The following ZNF106 variants were observed in gnomAD, a reference collection of about 807,000 sequenced individuals.
ZNF106 encodes SH3-domain binding protein 3.
ZNF106 carries 67 observed loss-of-function variants against 195.1 expected under a neutral mutation model. The ratio of observed to expected loss-of-function variants is 0.34; its 90% CI spans 0.28 to 0.42. ZNF106 has a LOEUF of 0.42. Among genes scored for constraint, ZNF106 ranks in the 10% least tolerant of loss-of-function variants. The pLI is 1.00. For synonymous variants in ZNF106, 784 were observed against 818.6 expected (o/e 0.96, Z 0.72); for missense variants, 2,118 against 2,304.5 (o/e 0.92, Z 1.66).
rs750503000 is a variant in ZNF106 at position 42,451,464 on chromosome 15, C to T, written c.808G>A (p.Gly270Ser). Reference protein sequence around the residue: ...YSGPGDKFQPGRNRNSNCQME... With the variant: ...YSGPGDKFQPSRNRNSNCQME... ...TGACAGTTAGAATTTCTGTTTCTGC[C>T]TGGTTGAAATTTGTCTCCAGGGCCA... The change falls in exon 5 of 22, where the codon GGC becomes AGC. Residue 270 changes from glycine (G) to serine (S), a missense_variant. Physicochemically the swap from Gly to Ser is moderately conservative, Grantham distance 56. Transcript: ENST00000564754. 5 of 1,614,024 alleles carry T rather than the reference C, an allele frequency of 3.1e-6. No individual in the cohort carries two copies. Among genetic ancestry groups the T allele is most frequent in the Non-Finnish European group, 4.2e-6 (5 of 1,180,038 alleles).
intron 1 of ZNF106, among the ~76,000 whole-genome samples, chr15:42,481,499 A>G (rs2056901041): frequency 6.6e-6 from 1 of 151,604 alleles, no homozygotes; most frequent in South Asian, 2.1e-4. Context: ...CTGGGATTAC[A>G]GGCACCAGCT....
intron 3 of ZNF106, among the ~76,000 whole-genome samples, chr15:42,459,106 T>G (rs551802296): frequency 6.6e-6 from 1 of 152,182 alleles, no homozygotes; most frequent in African/African-American, 2.4e-5. Flanking sequence ...ATATCAATAT[T>G]CTAATTCCAC....
rs1007544424 is a variant in ZNF106, at chr15:42,435,300, G to A, written c.4881+84C>T. The stretch of plus-strand genomic sequence containing the variant: ...AAGGAGATGGTGGGTAGAATGAAGC[G>A]TCTGCCACAGTGTCTCCACTCCACA... On this transcript the variant is annotated intron_variant, in intron 14 of 21. Coordinates refer to ENST00000564754, the MANE Select transcript of ZNF106 (RefSeq NM_001366845.3). 1.6e-5 allele frequency: 25 copies of A among 1,560,408 alleles called. No homozygotes were observed. The Admixed American group carries it at 2.2e-4, about 13-fold the overall frequency.
chr15:42,479,668 C>T (rs946315883), intron 1 of ZNF106, among the ~76,000 whole-genome samples: 3 of 151,838 alleles, frequency 2.0e-5, no homozygotes, highest in African/African-American at 7.3e-5. Flanking sequence ...ATGGCAAAAC[C>T]CCATCTCTAC....
At chr15:42,444,045 G>A (rs1407184851) in intron 9 of ZNF106, among the ~76,000 whole-genome samples, 157 bp downstream of exon 9, 1 of 139,538 alleles carries the variant, frequency 7.2e-6, no homozygotes, top group Non-Finnish European at 1.5e-5. Context: ...CTGGGAGGCA[G>A]AGGTTGCAGT....
At chr15:42,444,542 C>T (rs776119881) in intron 8 of ZNF106, among the ~76,000 whole-genome samples, 18 of 152,072 alleles carry the variant, frequency 1.2e-4, no homozygotes, top group Non-Finnish European at 2.1e-4. Flanking sequence ...CTCCACATCC[C>T]GCCCCCTGGC....
chr15:42,443,505 T>G, intron 9 of ZNF106, among the ~76,000 whole-genome samples: 1 of 152,078 alleles, frequency 6.6e-6, no homozygotes, highest in South Asian at 2.1e-4. Flanking sequence ...TTTTATAATT[T>G]TATATAACTT....
intron 11 of ZNF106, 93 bp from the exon 12 acceptor site, chr15:42,438,760 A>G (rs1237547086): frequency 1.7e-6 from 2 of 1,187,304 alleles, no homozygotes; most frequent in Admixed American, 4.4e-5. Context: ...TTTTCTAAAC[A>G]ATGGGCAAAG....
chr15:42,486,309 G>A (rs8026471), intron 1 of ZNF106, among the ~76,000 whole-genome samples: 310 of 151,652 alleles, frequency 2.0e-3, no homozygotes, highest in African/African-American at 7.2e-3. Flanking sequence ...ACCTGGGGTA[G>A]AGTGCAGGGG....
intron 13 of ZNF106, among the ~76,000 whole-genome samples, chr15:42,435,980 G>T (rs540477457): frequency 8.7e-5 from 13 of 149,052 alleles, no homozygotes; most frequent in African/African-American, 2.7e-4. Flanking sequence ...TTTTGACAGA[G>T]TCTCGCTCTG....
intron 1 of ZNF106, among the ~76,000 whole-genome samples, chr15:42,472,593 T>A (rs2056699338): frequency 1.3e-5 from 2 of 151,848 alleles, no homozygotes; most frequent in African/African-American, 4.8e-5. Flanking sequence ...ACATCTCTCA[T>A]CCCACACGGC....
At chr15:42,459,157 G>A (rs1425271343) in intron 3 of ZNF106, among the ~76,000 whole-genome samples, 1 of 152,052 alleles carries the variant, frequency 6.6e-6, no homozygotes. Context: ...GTTTTCAACT[G>A]CACTTACTAC....
chr15:42,483,004 T>C (rs550501750), intron 1 of ZNF106, among the ~76,000 whole-genome samples: 16 of 152,286 alleles, frequency 1.1e-4, no homozygotes, highest in African/African-American at 3.6e-4. Context: ...TTGCTTGAGC[T>C]TTATCTTCTG....
chr15:42,423,483 C>A (rs1461116946), intron 17 of ZNF106, among the ~76,000 whole-genome samples: 1 of 152,000 alleles, frequency 6.6e-6, no homozygotes, highest in Non-Finnish European at 1.5e-5. Flanking sequence ...GCCAAATAAT[C>A]CTCCCACCTC....
chr15:42,413,215 AGT>A lies in ZNF106; in HGVS notation c.*4087_*4088del, dbSNP rs1249419532. The stretch of plus-strand genomic sequence containing the variant: ...GAGGTTAGAGGTTACTGTCTAATAC[AGT>A]AGGTCTGGTTTCTATGAGGAGCTCA... On this transcript the variant is annotated 3_prime_UTR_variant, in exon 22 of 22. Coordinates refer to ENST00000564754, the MANE Select transcript of ZNF106 (RefSeq NM_001366845.3). 6.6e-6 allele frequency: 1 copy of A among 152,182 alleles called. No individual in the cohort carries two copies. The highest frequency in any genetic ancestry group is 1.5e-5 in the Non-Finnish European group (1 of 68,034). 9.4% of individuals were successfully genotyped at this position (152,182 alleles called of 1,614,324 possible).
rs77522405 is a variant in ZNF106 at position 42,483,507 on chromosome 15, G to A, written c.-33+7473C>T. Among the ~76,000 whole-genome samples, 874 of 152,148 alleles carry A rather than the reference G, an allele frequency of 5.7e-3. 13 individuals are homozygous for A. Among genetic ancestry groups the A allele is most frequent in the African/African-American group, 0.02 (827 of 41,500 alleles). ...GCATTCCAGCCTACCTCAATTTTAC[G>A]GTGCCTCCATCTAAACATACACATA... On this transcript the variant is annotated intron_variant, in intron 1 of 21. Transcript: ENST00000564754.
At chr15:42,428,233 C>CG (rs1166893108) in intron 14 of ZNF106, 99 bp from the exon 15 acceptor site, 1 of 899,280 alleles carries the variant, frequency 1.1e-6, no homozygotes, top group Non-Finnish European at 1.7e-6. Context: ...GACTCTTATG[C>CG]GGAAGAAAGT....
chr15:42,417,966 A>C lies in ZNF106; in HGVS notation c.5518-15T>G, dbSNP rs200828073. The C allele has an allele frequency of 1.2e-6, 2 of 1,608,768 alleles. No homozygotes were observed. ...CAACCATGCCACTGGAGAGAAAGAA[A>C]ATGAGGAGACTCGGTGAAAAAGGGT... On this transcript the variant is annotated splice_polypyrimidine_tract_variant and intron_variant, in intron 20 of 21. Coordinates refer to ENST00000564754, the MANE Select transcript of ZNF106 (RefSeq NM_001366845.3).
At chr15:42,424,615 A>G (rs1050225436) in intron 16 of ZNF106, 9 of 478,390 alleles carry the variant, frequency 1.9e-5, no homozygotes, top group Non-Finnish European at 3.4e-5. Flanking sequence ...CCTCATAAGT[A>G]GTACAGGTGC....
Sources: gnomAD v4.1 joint callset for allele counts (sites outside exome capture counted in the v4.1 genomes callset) on GRCh38, gnomAD v4.1.1 for gene constraint, MANE v1.5 for transcripts, NCBI Gene and HGNC (gene_info 2026-07-23, HGNC 2026-07-21) for gene names.